FBRSL1: variants seen among roughly 807,000 people sequenced by gnomAD.
FBRSL1 encodes the protein fibrosin-1-like protein.
FBRSL1 carries 51 observed loss-of-function variants against 89.6 expected under a neutral mutation model. That is an observed-to-expected ratio of 0.57 (90% CI 0.45 to 0.72). The LOEUF (loss-of-function observed/expected upper bound fraction) is 0.72, where lower values mean the gene tolerates loss of function less well. FBRSL1 is among the 30% of genes least tolerant of loss of function. The pLI is 0.00. For missense variants in FBRSL1, 1,618 were observed against 1,451.8 expected (o/e 1.11, Z -1.86); for synonymous variants, 779 against 681.1 (o/e 1.14, Z -2.24).
chr12:132,502,935 C>G (rs1328095028), intron 1 of FBRSL1, among the ~76,000 whole-genome samples: 1 of 151,306 alleles, frequency 6.6e-6, no homozygotes, highest in Non-Finnish European at 1.5e-5. Context: ...CCTGGCACCA[C>G]TCCATCCCAG....
At chr12:132,495,489 G>T (rs1323696322) in intron 1 of FBRSL1, among the ~76,000 whole-genome samples, 1 of 152,220 alleles carries the variant, frequency 6.6e-6, no homozygotes, top group Non-Finnish European at 1.5e-5. Context: ...AGACATTTGG[G>T]TTCAGTGAGG....
intron 2 of FBRSL1, among the ~76,000 whole-genome samples, chr12:132,522,667 C>T (rs997369175): frequency 6.6e-6 from 1 of 152,210 alleles, no homozygotes; most frequent in Non-Finnish European, 1.5e-5. Context: ...CCTGCTCCTG[C>T]TGCACGCCCC....
chr12:132,557,072 G>A (rs1362070390), intron 5 of FBRSL1, among the ~76,000 whole-genome samples: 1 of 152,208 alleles, frequency 6.6e-6, no homozygotes, highest in Non-Finnish European at 1.5e-5. Context: ...GGGGCAGCAT[G>A]GCTGAGAGGA....
At chr12:132,530,999 G>GGT (rs2036226596) in intron 4 of FBRSL1, among the ~76,000 whole-genome samples, 1 of 150,342 alleles carries the variant, frequency 6.7e-6, no homozygotes, top group Admixed American at 6.6e-5. Flanking sequence ...CAGTGTGGGG[G>GGT]GGGGGGTGCA....
chr12:132,564,966 G>C (rs1264527668), intron 5 of FBRSL1: 4 of 152,180 alleles, frequency 2.6e-5, no homozygotes, highest in Admixed American at 2.6e-4. Flanking sequence ...TGTGGGTCTC[G>C]CACGCTTCAC....
intron 5 of FBRSL1, chr12:132,552,864 G>A (rs1465683126): frequency 6.1e-6 from 1 of 164,630 alleles, no homozygotes; most frequent in African/African-American, 2.4e-5. Flanking sequence ...CAGGCTGGAG[G>A]CCCCTGCCGT....
Position 132,490,768 on chromosome 12 carries a change from C to G in FBRSL1, c.198C>G (p.Pro66=). The G allele has an allele frequency of 4.3e-6, 5 of 1,166,980 alleles. No individual in the cohort carries two copies. The highest frequency in any genetic ancestry group is 4.2e-6 in the Non-Finnish European group (4 of 949,254). 72.3% of individuals were successfully genotyped at this position (1,166,980 alleles called of 1,614,324 possible). A position where few individuals can be genotyped will look rare whatever the true frequency, so the allele number is the denominator to read the frequency against. The change falls in exon 1 of 19, where the codon CCC becomes CCG. Residue 66 remains proline (P), a synonymous_variant. Transcript: ENST00000680143. ...GAAPAPRTAR[P]PRRRRRESSS... ...CCCCCGCGCCCCGCACCGCGCGTCC[C>G]CCGCGCCGCCGCCGCCGCGAGTCCA...
intron 4 of FBRSL1, among the ~76,000 whole-genome samples, chr12:132,531,983 A>C (rs1044658993): frequency 3.3e-5 from 5 of 152,164 alleles, no homozygotes; most frequent in African/African-American, 1.2e-4. Context: ...AGTTGCTTCC[A>C]CCCAAGGATG....
At chr12:132,558,365 G>A (rs779868775) in intron 5 of FBRSL1, among the ~76,000 whole-genome samples, 52 of 152,320 alleles carry the variant, frequency 3.4e-4, no homozygotes, top group Admixed American at 2.7e-3. Context: ...CTGTTTTCTC[G>A]TCGGTGAGAC....
chr12:132,564,577 G>C (rs1418410825), intron 5 of FBRSL1, among the ~76,000 whole-genome samples: 1 of 142,928 alleles, frequency 7.0e-6, no homozygotes, highest in Non-Finnish European at 1.5e-5. Context: ...CTCACTGCAA[G>C]CTCCGCCTCC....
At chr12:132,511,775 C>T (rs2034367676) in intron 2 of FBRSL1, 1 of 985,464 alleles carries the variant, frequency 1.0e-6, no homozygotes, top group Non-Finnish European at 1.2e-6. Context: ...CCCGCAGGCC[C>T]TCCCGGGTCC....
At chr12:132,558,518 AG>A (rs1465926325) in intron 5 of FBRSL1, among the ~76,000 whole-genome samples, 1 of 152,216 alleles carries the variant, frequency 6.6e-6, no homozygotes, top group Non-Finnish European at 1.5e-5. Context: ...AGGAAACAGC[AG>A]GGCTTTGGGG....
At chr12:132,536,139 GGT>G (rs1258569127) in intron 4 of FBRSL1, among the ~76,000 whole-genome samples, 2 of 141,202 alleles carry the variant, frequency 1.4e-5, no homozygotes, top group Admixed American at 1.4e-4. Context: ...TGTACATGAT[GGT>G]GTGTGAGTGC....
chr12:132,535,175 G>A (rs1416974209), intron 4 of FBRSL1, among the ~76,000 whole-genome samples: 1 of 152,246 alleles, frequency 6.6e-6, no homozygotes, highest in Non-Finnish European at 1.5e-5. Context: ...TTTTTGTGTT[G>A]ATAAATAATT....
At chr12:132,500,280 G>C (rs1431167527) in intron 1 of FBRSL1, among the ~76,000 whole-genome samples, 2 of 152,186 alleles carry the variant, frequency 1.3e-5, no homozygotes, top group African/African-American at 4.8e-5. Context: ...AGCCGAGTGT[G>C]TCCCAGGCTT....
At chr12:132,507,641 C>T (rs1175103863) in intron 1 of FBRSL1, among the ~76,000 whole-genome samples, 1 of 152,140 alleles carries the variant, frequency 6.6e-6, no homozygotes, top group African/African-American at 2.4e-5. Flanking sequence ...ATCCACAGAC[C>T]CGTCTGGGAG....
intron 15 of FBRSL1, chr12:132,580,713 C>T (rs148082632): frequency 1.1e-6 from 1 of 949,114 alleles, no homozygotes; most frequent in Non-Finnish European, 1.3e-6. Flanking sequence ...GAGGCATGAG[C>T]ACCCCATCTT....
At chr12:132,511,953 G>A in intron 2 of FBRSL1, 2 of 984,662 alleles carry the variant, frequency 2.0e-6, no homozygotes, top group East Asian at 1.1e-4. Flanking sequence ...TTTTATAACA[G>A]CATCAGCGTT....
rs1196902266 is a variant in FBRSL1, at chr12:132,546,072, C to T, written c.616-1931C>T. ...CTGCTTTGCCCTCTTCCGGTCCCCT[C>T]AGCCCTGGCGTGTTCTGGCATGTTC... On this transcript the variant is annotated intron_variant, in intron 4 of 18. Coordinates refer to ENST00000680143, the MANE Select transcript of FBRSL1 (RefSeq NM_001367871.1). This position sits in a 1 kb window ranked among gnomAD's most constrained non-coding sequence, Gnocchi z 4.0. Among the ~76,000 whole-genome samples, 1 of 152,262 alleles carries T rather than the reference C, an allele frequency of 6.6e-6. No individual in the cohort carries two copies. The highest frequency in any genetic ancestry group is 2.4e-5 in the African/African-American group (1 of 41,468).
Sources: allele counts gnomAD v4.1 joint callset (sites outside exome capture counted in the v4.1 genomes callset), GRCh38; gene constraint gnomAD v4.1.1; non-coding constraint Gnocchi (gnomAD v3.1); transcripts MANE v1.5; gene names NCBI Gene and HGNC (gene_info 2026-07-23, HGNC 2026-07-21).